POT1: variants seen among roughly 807,000 people sequenced by gnomAD.
The protein encoded by POT1 is protection of telomeres protein 1.
A neutral mutation model predicts 78.5 loss-of-function variants in POT1; 47 were observed. The ratio of observed to expected loss-of-function variants is 0.60; its 90% CI spans 0.47 to 0.76. POT1 has a LOEUF of 0.76. Among genes scored for constraint, POT1 ranks in the 30% least tolerant of loss-of-function variants. The pLI is 0.00. For missense variants in POT1, 646 were observed against 749.9 expected (o/e 0.86, Z 1.62); for synonymous variants, 259 against 260.7 (o/e 0.99, Z 0.06).
At chr7:124,901,250 T>G (rs558532943) in intron 3 of POT1, among the ~76,000 whole-genome samples, 1 of 152,150 alleles carries the variant, frequency 6.6e-6, no homozygotes, top group African/African-American at 2.4e-5. Context: ...CACCTTCCAG[T>G]AGGGGCCAAC....
intron 6 of POT1, among the ~76,000 whole-genome samples, chr7:124,877,292 A>G (rs1250291951): frequency 6.6e-6 from 1 of 152,188 alleles, no homozygotes; most frequent in Non-Finnish European, 1.5e-5. Flanking sequence ...TGACAAAACT[A>G]TCAATCAAGC....
At chr7:124,844,465 G>T (rs1437905081) in intron 12 of POT1, among the ~76,000 whole-genome samples, 1 of 148,002 alleles carries the variant, frequency 6.8e-6, no homozygotes, top group Admixed American at 6.7e-5. Context: ...CACCGGGCGC[G>T]GTGGCTCACG....
chr7:124,863,606 G>A lies in POT1; in HGVS notation c.290C>T (p.Thr97Ile), dbSNP rs1436205180. The change falls in exon 8 of 19, where the codon ACC becomes ATC. Residue 97 changes from threonine to isoleucine, a missense_variant. Transcript: ENST00000357628. ...QVYKKETQGI[T>I]SSGFASLTFE... ...CGTCAAAGATGCAAAGCCAGAGCTG[G>A]TGATACCCTGAGTCTCCTTTTTATA... 1 of 1,613,510 alleles carries A rather than the reference G, an allele frequency of 6.2e-7. No homozygotes were observed. The highest frequency in any genetic ancestry group is 8.5e-7 in the Non-Finnish European group (1 of 1,179,688).
rs867175600 is a variant in POT1 at position 124,868,702 on chromosome 7, T to A, written c.255+2209A>T. On this transcript the variant is annotated intron_variant, in intron 7 of 18. Coordinates refer to ENST00000357628, the MANE Select transcript of POT1 (RefSeq NM_015450.3). ...AGGAATTGGATTGAATATAATTCAA[T>A]ATATATATTATTTGGATTATTTGAA... Among the ~76,000 whole-genome samples, 13 of 150,190 alleles carry A rather than the reference T, an allele frequency of 8.7e-5. 1 individual carries two copies. Among genetic ancestry groups the A allele is most frequent in the South Asian group, 8.3e-4 (4 of 4,820 alleles).
intron 2 of POT1, among the ~76,000 whole-genome samples, chr7:124,919,320 G>A (rs1418616422): frequency 6.6e-6 from 1 of 152,100 alleles, no homozygotes; most frequent in Non-Finnish European, 1.5e-5. Context: ...GTGCATAACT[G>A]TAATAAGAGT....
At chr7:124,825,407 T>C (rs2116408383) in intron 17 of POT1, 50 bp from the exon 18 acceptor site, 1 of 1,114,254 alleles carries the variant, frequency 9.0e-7, no homozygotes, top group Non-Finnish European at 1.3e-6. Context: ...ATTAATCCTT[T>C]TTAATGTTAT....
chr7:124,836,803 A>G lies in POT1; in HGVS notation c.1370-1389T>C, dbSNP rs534962271. Among the ~76,000 whole-genome samples the G allele has an allele frequency of 2.6e-5, 4 of 152,358 alleles. No individual in the cohort carries two copies. In the South Asian group the frequency reaches 6.2e-4, roughly 24 times the overall value. On this transcript the variant is annotated intron_variant, in intron 14 of 18. Coordinates refer to ENST00000357628, the MANE Select transcript of POT1 (RefSeq NM_015450.3). ...TAATATTTGTAAAGCACTTAGAGCC[A>G]TGAGTGACTATTACTATCAATATTT...
chr7:124,899,500 T>C (rs768453240), intron 3 of POT1, among the ~76,000 whole-genome samples: 22 of 152,242 alleles, frequency 1.4e-4, no homozygotes, highest in Middle Eastern at 3.4e-3. Flanking sequence ...AAACCTTTTA[T>C]GCAGTTTAAA....
intron 7 of POT1, among the ~76,000 whole-genome samples, chr7:124,863,905 C>T (rs1303002489): frequency 1.3e-5 from 2 of 152,012 alleles, no homozygotes; most frequent in African/African-American, 4.8e-5. Flanking sequence ...GTGGTAGTCT[C>T]CCTAATCCTA....
intron 3 of POT1, among the ~76,000 whole-genome samples, chr7:124,900,076 A>T (rs917962225): frequency 1.2e-4 from 18 of 152,140 alleles, no homozygotes; most frequent in African/African-American, 3.9e-4. Context: ...AGTTTTTTTT[A>T]ATTGAAATGC....
intron 12 of POT1, among the ~76,000 whole-genome samples, chr7:124,845,990 T>C (rs1795154038): frequency 6.6e-6 from 1 of 152,168 alleles, no homozygotes; most frequent in Admixed American, 6.5e-5. Context: ...ATTCCCTTGT[T>C]CTAGTTCAGA....
chr7:124,910,620 T>C (rs1398062703), intron 3 of POT1, among the ~76,000 whole-genome samples: 2 of 151,962 alleles, frequency 1.3e-5, no homozygotes, highest in Non-Finnish European at 2.9e-5. Context: ...AATGGCTCTT[T>C]AAATATAGAC....
intron 14 of POT1, among the ~76,000 whole-genome samples, chr7:124,840,015 G>C (rs62478920): frequency 1.3e-5 from 2 of 148,452 alleles, no homozygotes; most frequent in African/African-American, 5.0e-5. Context: ...TTTTTTTAAG[G>C]AGCAGTTTTA....
At chr7:124,853,453 A>G (rs1016115886) in intron 9 of POT1, 3 of 176,766 alleles carry the variant, frequency 1.7e-5, no homozygotes, top group African/African-American at 7.1e-5. Context: ...CTTAGCATCA[A>G]TAAAATATAA....
At chr7:124,902,712 T>A (rs1188973980) in intron 3 of POT1, among the ~76,000 whole-genome samples, 1 of 152,140 alleles carries the variant, frequency 6.6e-6, no homozygotes. Context: ...AATGCTCCAA[T>A]TAAAAGACAC....
rs958828560 is a variant in POT1, at chr7:124,835,388, G to C, written c.1396C>G (p.Leu466Val). 3 of 1,613,448 alleles carry C rather than the reference G, an allele frequency of 1.9e-6. No homozygotes were observed. Among genetic ancestry groups the C allele is most frequent in the Non-Finnish European group, 2.5e-6 (3 of 1,179,418 alleles). The change falls in exon 15 of 19, where the codon CTC (leucine) becomes GTC (valine). Residue 466 changes from leucine to valine, a missense_variant. Physicochemically the swap from Leu to Val is conservative, Grantham distance 32. Transcript: ENST00000357628. ...ATTACACTATTAAACTTGTTCGAGA[G>C]TTTGCAAATTTCACTGAGTGTACCT... is the stretch of plus-strand genomic sequence containing the variant. The part of the protein sequence containing the change: ...EGGTLSEICK[L>V]SNKFNSVIPV...
chr7:124,825,346 G>T lies in POT1; in HGVS notation c.1698C>A (p.Phe566Leu). The T allele has an allele frequency of 6.3e-7, 1 of 1,597,546 alleles. No homozygotes were observed. Among genetic ancestry groups the T allele is most frequent in the Non-Finnish European group, 8.5e-7 (1 of 1,171,390 alleles). ...EAYLMDSDKFFQIPASEVLMD... is the reference protein window; with the variant it reads ...EAYLMDSDKFLQIPASEVLMD... ...TCAGAACTTCTGATGCTGGAATCTG[G>T]AAGAATTTGTCCTTAAAAATGTTTC... The change falls in exon 18 of 19, where the codon TTC becomes TTA. Residue 566 changes from phenylalanine to leucine, a missense_variant. Coordinates refer to ENST00000357628, the MANE Select transcript of POT1 (RefSeq NM_015450.3).
chr7:124,857,269 C>T (rs557828725), intron 9 of POT1, among the ~76,000 whole-genome samples: 1 of 152,272 alleles, frequency 6.6e-6, no homozygotes, highest in Admixed American at 6.5e-5. Flanking sequence ...CCATTTAATG[C>T]TTTAAAAGAT....
At chr7:124,856,890 A>C (rs1795459890) in intron 9 of POT1, among the ~76,000 whole-genome samples, 1 of 152,206 alleles carries the variant, frequency 6.6e-6, no homozygotes, top group Non-Finnish European at 1.5e-5. Context: ...AATGTCAAAA[A>C]TATATCTTCA....
Sources: gnomAD v4.1 joint callset for allele counts (sites outside exome capture counted in the v4.1 genomes callset) on GRCh38, gnomAD v4.1.1 for gene constraint, MANE v1.5 for transcripts, NCBI Gene and HGNC (gene_info 2026-07-23, HGNC 2026-07-21) for gene names.